HABP4: variants seen among roughly 807,000 people sequenced by gnomAD.
HABP4 encodes hyaluronan binding protein 4.
HABP4 carries 32 observed loss-of-function variants against 44.1 expected under a neutral mutation model. The observed-to-expected ratio is 0.73, with a 90% CI of 0.55 to 0.97. The LOEUF is 0.97. Ranked by LOEUF, HABP4 falls within the 50% of genes least tolerant of loss-of-function variation. The probability of loss-of-function intolerance (pLI) is 0.00; values close to 1 mark genes in which losing one functional copy is unlikely to be tolerated. For missense variants in HABP4, 503 were observed against 561.9 expected (o/e 0.90, Z 1.06); for synonymous variants, 216 against 218.0 (o/e 0.99, Z 0.08).
chr9:96,450,318 C>A lies in HABP4; in HGVS notation c.39C>A (p.Gly13=). 7.0e-7 allele frequency: 1 copy of A among 1,431,434 alleles called. No homozygotes were observed. Among genetic ancestry groups the A allele is most frequent in the Non-Finnish European group, 9.3e-7 (1 of 1,077,286 alleles). 88.7% of individuals were successfully genotyped at this position (1,431,434 alleles called of 1,614,324 possible). ...TGGGGAGTCCCGTGGCTGCCGCTGGCGCCGCGATGCAGGAGAGTTTCGGCT... is the reference window on the plus strand; with the variant it reads ...TGGGGAGTCCCGTGGCTGCCGCTGGAGCCGCGATGCAGGAGAGTTTCGGCT... The part of the protein sequence containing the change: ...GALGSPVAAA[G]AAMQESFGCV... The change falls in exon 1 of 8, where the codon GGC becomes GGA. Residue 13 remains glycine, a synonymous_variant. Coordinates refer to ENST00000375249, the MANE Select transcript of HABP4 (RefSeq NM_014282.4). This position sits in a 1 kb window ranked among gnomAD's most constrained non-coding sequence, Gnocchi z 4.8.
chr9:96,463,641 G>A (rs1393066447), intron 2 of HABP4, among the ~76,000 whole-genome samples: 1 of 152,178 alleles, frequency 6.6e-6, no homozygotes, highest in Non-Finnish European at 1.5e-5. Context: ...TACAGGAGGT[G>A]GGAGACAGAA....
intron 6 of HABP4, among the ~76,000 whole-genome samples, chr9:96,485,199 T>C (rs1832951025): frequency 6.6e-6 from 1 of 152,118 alleles, no homozygotes; most frequent in South Asian, 2.1e-4. Context: ...ATTACAGGCA[T>C]GCGCCACCAC....
Position 96,450,661 on chromosome 9 carries a change from G to A in HABP4, c.349+33G>A. 8.0e-7 allele frequency: 1 copy of A among 1,243,390 alleles called. No individual in the cohort carries two copies. Among genetic ancestry groups the A allele is most frequent in the Non-Finnish European group, 1.0e-6 (1 of 991,812 alleles). The allele number at this position is 1,243,390 out of a possible 1,614,324, so 77.0% of individuals were successfully genotyped here. A position where few individuals can be genotyped will look rare whatever the true frequency, so the allele number is the denominator to read the frequency against. On this transcript the variant is annotated intron_variant, in intron 1 of 7. Transcript: ENST00000375249. This position sits in a 1 kb window ranked among gnomAD's most constrained non-coding sequence, Gnocchi z 4.8. ...GGGACAGCGGGGTTAGCGGACCACG[G>A]CTCGGCCCGCTGTGAGACTGGGGTC...
intron 1 of HABP4, among the ~76,000 whole-genome samples, chr9:96,453,147 A>C (rs1221187816): frequency 1.4e-5 from 2 of 144,636 alleles, no homozygotes; most frequent in Admixed American, 1.4e-4. Context: ...ACTCACTGCA[A>C]CCTCTGCCTC....
intron 7 of HABP4, among the ~76,000 whole-genome samples, chr9:96,489,578 C>G (rs956371758): frequency 3.3e-5 from 5 of 152,220 alleles, no homozygotes; most frequent in African/African-American, 1.2e-4. Flanking sequence ...CTCCTGTGGC[C>G]CCTCCTTCCC....
intron 1 of HABP4, among the ~76,000 whole-genome samples, chr9:96,452,514 G>A (rs10820633): frequency 0.3 from 46,132 of 151,878 alleles, 9,237 homozygotes; most frequent in African/African-American, 0.58. Flanking sequence ...TAGTACACTC[G>A]TAACTTTTTT....
chr9:96,456,780 A>ATATAT (rs1165644914), intron 1 of HABP4, among the ~76,000 whole-genome samples: 4 of 44,770 alleles, frequency 8.9e-5, no homozygotes, highest in African/African-American at 1.8e-4. Context: ...AAAAAAAAAA[A>ATATAT]ATATATATAT....
chr9:96,450,646 G>A lies in HABP4; in HGVS notation c.349+18G>A. 1.6e-6 allele frequency: 2 copies of A among 1,261,530 alleles called. No homozygotes were observed. Among genetic ancestry groups the A allele is most frequent in the Non-Finnish European group, 2.0e-6 (2 of 1,003,208 alleles). 78.1% of individuals were successfully genotyped at this position (1,261,530 alleles called of 1,614,324 possible). ...GGCGCCGGGTACGCGGGGACAGCGG[G>A]GTTAGCGGACCACGGCTCGGCCCGC... On this transcript the variant is annotated intron_variant, in intron 1 of 7. Coordinates refer to ENST00000375249, the MANE Select transcript of HABP4 (RefSeq NM_014282.4). This position sits in a 1 kb window ranked among gnomAD's most constrained non-coding sequence, Gnocchi z 4.8.
rs771016069 is a variant in HABP4 at position 96,488,055 on chromosome 9, C to G, written c.1000-34C>G. 6.7e-7 allele frequency: 1 copy of G among 1,496,780 alleles called. No homozygotes were observed. The allele number at this position is 1,496,780 out of a possible 1,614,324, so 92.7% of individuals were successfully genotyped here. ...AGATGAGTGTGGGGATGGCTGTGGACTTGTGCGTGTTTGATGCTGTAATTG... is the reference window on the plus strand; with the variant it reads ...AGATGAGTGTGGGGATGGCTGTGGAGTTGTGCGTGTTTGATGCTGTAATTG... On this transcript the variant is annotated intron_variant, in intron 6 of 7. Transcript: ENST00000375249. This position sits in a 1 kb window ranked among gnomAD's most constrained non-coding sequence, Gnocchi z 4.6.
In HABP4 at chr9:96,450,410, A is replaced by G. The variant is rs1194427852; in HGVS notation, c.131A>G (p.Glu44Gly). Residue 44 changes from glutamate (E) to glycine (G), a missense_variant, in exon 1 of 8, where the codon GAG (glutamate) becomes GGG (glycine). By Grantham distance (98) the Glu-to-Gly change is moderately conservative (BLOSUM62 -2). Transcript: ENST00000375249. This position sits in a 1 kb window ranked among gnomAD's most constrained non-coding sequence, Gnocchi z 4.8. ...TCGGACCCGTTCGACATCCTGCGCG[A>G]GGCCGAGCGCCGGCGCCAGCAGCAG... ...DESDPFDILR[E>G]AERRRQQQLQ... The G allele has an allele frequency of 1.4e-5, 5 of 352,426 alleles. No individual in the cohort carries two copies. The highest frequency in any genetic ancestry group is 9.4e-5 in the African/African-American group (4 of 42,760). 21.8% of individuals were successfully genotyped at this position (352,426 alleles called of 1,614,324 possible). A position where few individuals can be genotyped will look rare whatever the true frequency, so the allele number is the denominator to read the frequency against.
intron 4 of HABP4, among the ~76,000 whole-genome samples, chr9:96,469,937 A>G (rs1832664994): frequency 6.6e-6 from 1 of 152,142 alleles, no homozygotes. Flanking sequence ...ACAATATTTT[A>G]TATTCATTTA....
intron 1 of HABP4, among the ~76,000 whole-genome samples, chr9:96,456,377 T>C (rs1008163454): frequency 1.3e-5 from 2 of 152,106 alleles, no homozygotes; most frequent in African/African-American, 4.8e-5. Context: ...TGGTAGAAAA[T>C]ATTAAATGGG....
intron 1 of HABP4, among the ~76,000 whole-genome samples, chr9:96,456,770 AAAAAAAAAAAATATATAT>A (rs1832387875): frequency 1.4e-5 from 1 of 69,316 alleles, no homozygotes; most frequent in African/African-American, 6.5e-5. Context: ...AAAAAAAAAA[AAAAAAAAAAAATATATAT>A]ATATATATAT....
chr9:96,456,781 ATATATATAT>A (rs1181311608), intron 1 of HABP4, among the ~76,000 whole-genome samples: 401 of 30,064 alleles, frequency 0.013, 1 homozygote, highest in Non-Finnish European at 0.016. Context: ...AAAAAAAAAA[ATATATATAT>A]ATATATATAT....
chr9:96,454,834 G>C (rs1212066458), intron 1 of HABP4, among the ~76,000 whole-genome samples: 3 of 152,214 alleles, frequency 2.0e-5, no homozygotes. Flanking sequence ...CAGTCACAGT[G>C]GGGGCTGCGT....
chr9:96,471,430 C>T (rs1310406674), intron 5 of HABP4, among the ~76,000 whole-genome samples: 3 of 151,952 alleles, frequency 2.0e-5, no homozygotes, highest in Non-Finnish European at 4.4e-5. Context: ...GGTGAGCCAC[C>T]GCACCTGGCC....
At chr9:96,454,602 A>G (rs1832341714) in intron 1 of HABP4, among the ~76,000 whole-genome samples, 1 of 151,948 alleles carries the variant, frequency 6.6e-6, no homozygotes, top group Admixed American at 6.6e-5. Context: ...GACGCCCGCC[A>G]CCACGCCTGG....
Position 96,450,292 on chromosome 9 carries a change from C to G in HABP4, c.13C>G (p.Leu5Val). The G allele has an allele frequency of 3.5e-6, 5 of 1,446,348 alleles. No individual in the cohort carries two copies. The highest frequency in any genetic ancestry group is 4.6e-6 in the Non-Finnish European group (5 of 1,088,588). 89.6% of individuals were successfully genotyped at this position (1,446,348 alleles called of 1,614,324 possible). The change falls in exon 1 of 8, where the codon CTG becomes GTG. Residue 5 changes from leucine to valine, a missense_variant. Transcript: ENST00000375249. The surrounding 1 kb of genome is among the most constrained non-coding windows in gnomAD (Gnocchi z 4.8). ...TGGTCGCGGCGGCATGAAGGGCGCT[C>G]TGGGGAGTCCCGTGGCTGCCGCTGG... The part of the protein sequence containing the change: MKGA[L>V]GSPVAAAGAA...
intron 5 of HABP4, among the ~76,000 whole-genome samples, chr9:96,482,446 T>C (rs1264406361): frequency 6.6e-6 from 1 of 152,240 alleles, no homozygotes; most frequent in East Asian, 1.9e-4. Flanking sequence ...ATTCATGTTG[T>C]AGCATGTGCC....
Sources: allele counts gnomAD v4.1 joint callset (sites outside exome capture counted in the v4.1 genomes callset), GRCh38; gene constraint gnomAD v4.1.1; non-coding constraint Gnocchi (gnomAD v3.1); transcripts MANE v1.5; gene names NCBI Gene and HGNC (gene_info 2026-07-23, HGNC 2026-07-21).